CD36: variants seen among roughly 807,000 people sequenced by gnomAD.
The protein encoded by CD36 is CD36 molecule (CD36 blood group), also known as platelet glycoprotein 4.
A neutral mutation model predicts 55.2 loss-of-function variants in CD36; 119 were observed. The ratio of observed to expected loss-of-function variants is 2.15; its 90% CI spans 1.86 to 2.51. The LOEUF is 2.51. CD36 is among the 30% of genes most tolerant of loss of function. CD36 has a pLI of 0.00. For synonymous variants in CD36, 186 were observed against 193.6 expected (o/e 0.96, Z 0.33); for missense variants, 819 against 555.5 (o/e 1.47, Z -4.77).
intron 1 of CD36, among the ~76,000 whole-genome samples, chr7:80,627,729 G>A (rs1003382773): frequency 6.6e-6 from 1 of 151,956 alleles, no homozygotes; most frequent in African/African-American, 2.4e-5. Flanking sequence ...ATGCTTTTTG[G>A]TGTGACTGAA....
chr7:80,673,241 A>ACAGGAACAAAATC (rs1375663884), intron 12 of CD36, 114 bp from the exon 13 acceptor site: 1 of 595,928 alleles, frequency 1.7e-6, no homozygotes, highest in African/African-American at 1.9e-5. Flanking sequence ...ATGAGTCATT[A>ACAGGAACAAAATC]CAGGAACAAA....
rs4986863 is a variant in CD36 at position 80,671,262 on chromosome 7, A to G, written c.1006+98A>G. ...AATCCTTTAGCAACCAAAATTTAAA[A>G]TATATCATAATTTGTGATATTCTTT... is the stretch of plus-strand genomic sequence containing the variant. On this transcript the variant is annotated intron_variant, in intron 10 of 14. Coordinates refer to ENST00000447544, the MANE Select transcript of CD36 (RefSeq NM_001001548.3). 1,296 of 744,968 alleles carry G rather than the reference A, an allele frequency of 1.7e-3. 12 individuals are homozygous for G. The Middle Eastern group carries it at 0.03, about 17-fold the overall frequency. The allele number at this position is 744,968 out of a possible 1,614,324, so 46.1% of individuals were successfully genotyped here.
At chr7:80,673,306 TATAA>T (rs775887107) in intron 12 of CD36, 45 bp from the exon 13 acceptor site, 1 of 839,142 alleles carries the variant, frequency 1.2e-6, no homozygotes, top group Non-Finnish European at 1.9e-6. Flanking sequence ...GTTTGTTATA[TATAA>T]ATATTAGTTT....
intron 1 of CD36, chr7:80,602,432 G>A (rs1792289306): frequency 6.6e-6 from 1 of 152,130 alleles, no homozygotes. Flanking sequence ...CTTTGTAGTT[G>A]ATGCACTCTC....
intron 5 of CD36, among the ~76,000 whole-genome samples, chr7:80,661,495 G>A (rs918357997): frequency 6.6e-6 from 1 of 152,000 alleles, no homozygotes; most frequent in Non-Finnish European, 1.5e-5. Context: ...TAAGAAACAA[G>A]TACAACATTT....
chr7:80,629,731 A>G (rs375739648), intron 1 of CD36, among the ~76,000 whole-genome samples: 3 of 152,166 alleles, frequency 2.0e-5, no homozygotes, highest in South Asian at 2.1e-4. Flanking sequence ...AGATGGCTCA[A>G]TTTTGTCAGA....
intron 1 of CD36, among the ~76,000 whole-genome samples, chr7:80,631,289 A>G (rs1794060313): frequency 6.6e-6 from 1 of 152,050 alleles, no homozygotes; most frequent in South Asian, 2.1e-4. Context: ...GATGATAGAC[A>G]CTTTCATAAA....
intron 3 of CD36, among the ~76,000 whole-genome samples, chr7:80,655,902 CAG>C (rs1312327812): frequency 2.1e-5 from 3 of 139,964 alleles, no homozygotes; most frequent in Non-Finnish European, 3.0e-5. Context: ...GCCTGGGTGA[CAG>C]AGCAATATCT....
chr7:80,632,734 C>G (rs1562781683), intron 1 of CD36, among the ~76,000 whole-genome samples: 1 of 151,932 alleles, frequency 6.6e-6, no homozygotes. Context: ...ATCATTATGG[C>G]CAAGCCTAGA....
At chr7:80,667,611 T>C (rs1410103323) in intron 8 of CD36, among the ~76,000 whole-genome samples, 1 of 151,818 alleles carries the variant, frequency 6.6e-6, no homozygotes, top group Non-Finnish European at 1.5e-5. Flanking sequence ...ACAGAGAATG[T>C]TTACTTTGCC....
chr7:80,609,239 T>G (rs1005575330), intron 1 of CD36, among the ~76,000 whole-genome samples: 1 of 152,214 alleles, frequency 6.6e-6, no homozygotes, highest in Non-Finnish European at 1.5e-5. Flanking sequence ...CTTCCAAAAC[T>G]CATACACTGT....
chr7:80,642,420 A>G (rs894110592), intron 1 of CD36, among the ~76,000 whole-genome samples: 2 of 152,150 alleles, frequency 1.3e-5, no homozygotes, highest in African/African-American at 4.8e-5. Flanking sequence ...GTGGAGACAA[A>G]CTACATTCTT....
chr7:80,610,464 C>T (rs943412661), intron 1 of CD36, among the ~76,000 whole-genome samples: 5 of 152,118 alleles, frequency 3.3e-5, no homozygotes, highest in Admixed American at 1.3e-4. Context: ...TCAGTGTAGT[C>T]GCTGAGGCTT....
chr7:80,619,886 T>C (rs1343941798), intron 1 of CD36, among the ~76,000 whole-genome samples: 1 of 152,108 alleles, frequency 6.6e-6, no homozygotes, highest in Non-Finnish European at 1.5e-5. Context: ...GAAATAACTA[T>C]AGATGTGGTG....
intron 1 of CD36, among the ~76,000 whole-genome samples, chr7:80,614,022 C>T (rs1048025321): frequency 1.2e-4 from 18 of 152,132 alleles, no homozygotes; most frequent in African/African-American, 3.1e-4. Context: ...TTTGTATGCC[C>T]GGCTTAGCAG....
chr7:80,659,503 A>G (rs1381978710), intron 4 of CD36, among the ~76,000 whole-genome samples: 1 of 152,180 alleles, frequency 6.6e-6, no homozygotes. Context: ...TAATCTTGAG[A>G]AAAGCATAAA....
chr7:80,646,307 ACCAG>A, intron 2 of CD36, 126 bp downstream of exon 2: 2 of 229,344 alleles, frequency 8.7e-6, no homozygotes, highest in East Asian at 1.0e-4. Context: ...GGGTGGAGAA[ACCAG>A]ATAGTGAGGA....
intron 13 of CD36, 73 bp downstream of exon 13, chr7:80,673,482 G>T (rs56082629): frequency 0.017 from 14,593 of 865,528 alleles, 187 homozygotes; most frequent in Non-Finnish European, 0.021. Context: ...TGTTTCAAAA[G>T]AATGTATAGT....
At chr7:80,611,872 C>T (rs536050752) in intron 1 of CD36, among the ~76,000 whole-genome samples, 1 of 152,264 alleles carries the variant, frequency 6.6e-6, no homozygotes, top group South Asian at 2.1e-4. Flanking sequence ...TGTGTAGTAT[C>T]TGTGGCTTGG....
Sources: allele counts gnomAD v4.1 joint callset (sites outside exome capture counted in the v4.1 genomes callset), GRCh38; gene constraint gnomAD v4.1.1; transcripts MANE v1.5; gene names NCBI Gene and HGNC (gene_info 2026-07-23, HGNC 2026-07-21).